The following MND1 variants were observed in gnomAD, a reference collection of about 807,000 sequenced individuals.
MND1 encodes meiotic nuclear divisions 1, also known as meiotic nuclear division protein 1 homolog.
In MND1, 28 loss-of-function variants were observed where a neutral mutation model predicts 35.1. The ratio of observed to expected loss-of-function variants is 0.80; its 90% CI spans 0.59 to 1.09. The LOEUF (loss-of-function observed/expected upper bound fraction) is 1.09, where lower values mean the gene tolerates loss of function less well. Among genes scored for constraint, MND1 ranks in the 50% least tolerant of loss-of-function variants. The pLI is 0.00. For missense variants in MND1, 213 were observed against 239.6 expected (o/e 0.89, Z 0.73); for synonymous variants, 69 against 70.5 (o/e 0.98, Z 0.11).
intron 1 of MND1, among the ~76,000 whole-genome samples, chr4:153,346,287 G>A (rs1163943444): frequency 6.6e-6 from 1 of 152,144 alleles, no homozygotes; most frequent in East Asian, 1.9e-4. Flanking sequence ...TAATTTTATC[G>A]TAATTGATTA....
At chr4:153,387,892 A>T (rs887183496) in intron 4 of MND1, among the ~76,000 whole-genome samples, 1 of 151,456 alleles carries the variant, frequency 6.6e-6, no homozygotes, top group Non-Finnish European at 1.5e-5. Flanking sequence ...AGACTGATCT[A>T]GTTGCTTTTG....
intron 2 of MND1, among the ~76,000 whole-genome samples, chr4:153,350,848 C>T (rs1404556857): frequency 6.6e-6 from 1 of 150,868 alleles, no homozygotes; most frequent in East Asian, 1.9e-4. Context: ...CCCCAGTCTA[C>T]TGGCTATTTT....
At chr4:153,385,731 AAAAG>A (rs1033295087) in intron 4 of MND1, among the ~76,000 whole-genome samples, 3 of 148,646 alleles carry the variant, frequency 2.0e-5, no homozygotes, top group African/African-American at 7.7e-5. Context: ...AAAAAAAAAA[AAAAG>A]AAAAGAAAAT....
At chr4:153,392,232 G>T (rs544615032) in intron 4 of MND1, among the ~76,000 whole-genome samples, 1 of 151,848 alleles carries the variant, frequency 6.6e-6, no homozygotes, top group South Asian at 2.1e-4. Context: ...CTCCCAAGTA[G>T]CTGGGACTAC....
intron 4 of MND1, among the ~76,000 whole-genome samples, chr4:153,379,074 G>T (rs1432036436): frequency 6.6e-6 from 1 of 152,006 alleles, no homozygotes; most frequent in Non-Finnish European, 1.5e-5. Context: ...GGATCACAAG[G>T]TCAGGGGACT....
intron 4 of MND1, among the ~76,000 whole-genome samples, chr4:153,376,977 A>T (rs1364648157): frequency 6.6e-6 from 1 of 152,202 alleles, no homozygotes; most frequent in African/African-American, 2.4e-5. Flanking sequence ...AATTTGGAGA[A>T]TTTTATTAAT....
At chr4:153,361,621 C>A (rs1411908055) in intron 4 of MND1, 2 of 451,106 alleles carry the variant, frequency 4.4e-6, no homozygotes, top group Admixed American at 4.8e-5. Flanking sequence ...GGGCAGATCA[C>A]GAGGTCAGGA....
intron 2 of MND1, among the ~76,000 whole-genome samples, chr4:153,354,281 TG>T (rs1260904404): frequency 6.6e-6 from 1 of 152,220 alleles, no homozygotes; most frequent in Admixed American, 6.5e-5. Flanking sequence ...ATTTCCCTAT[TG>T]TTTAGGTATA....
At chr4:153,345,262 T>C (rs778833373) in intron 1 of MND1, 62 of 886,574 alleles carry the variant, frequency 7.0e-5, no homozygotes, top group Non-Finnish European at 8.1e-5. Flanking sequence ...TTTGTCACCA[T>C]TGAGTGGTTT....
At chr4:153,350,604 A>C (rs1773190263) in intron 2 of MND1, among the ~76,000 whole-genome samples, 1 of 152,186 alleles carries the variant, frequency 6.6e-6, no homozygotes, top group African/African-American at 2.4e-5. Flanking sequence ...AGAGGCCTTC[A>C]TTTATTCCAG....
chr4:153,374,765 TTGTA>T lies in MND1; in HGVS notation c.276+16147_276+16150del, dbSNP rs998473741. On this transcript the variant is annotated intron_variant, in intron 4 of 7. Coordinates refer to ENST00000240488, the MANE Select transcript of MND1 (RefSeq NM_032117.4). ...AACATTTTTTTCTCTTGCCTTTAGG[TTGTA>T]TGTGTTGATTATTATTAAATACAGT... Among the ~76,000 whole-genome samples, 19 of 152,138 alleles carry T rather than the reference TTGTA, an allele frequency of 1.2e-4. No homozygotes were observed. In the East Asian group the frequency reaches 2.5e-3, roughly 20 times the overall value.
intron 4 of MND1, among the ~76,000 whole-genome samples, chr4:153,385,232 A>G (rs904764671): frequency 6.6e-6 from 1 of 152,238 alleles, no homozygotes; most frequent in African/African-American, 2.4e-5. Context: ...ATAGAGGAAT[A>G]GGATGTTTTA....
At position 153,349,651 on chromosome 4, in the gene MND1, C is replaced by G. The variant is rs115171724; in HGVS notation, c.4-413C>G. Among the ~76,000 whole-genome samples, 800 of 152,276 alleles carry G rather than the reference C, an allele frequency of 5.3e-3. 11 individuals are homozygous for G. The highest frequency in any genetic ancestry group is 0.018 in the African/African-American group (750 of 41,546). On this transcript the variant is annotated intron_variant, in intron 1 of 7. Coordinates refer to ENST00000240488, the MANE Select transcript of MND1 (RefSeq NM_032117.4). ...TTGCCAAAATCCTTTTAATCTCTGT[C>G]CTTAGGTAACCCTTCTTCCTCTGCA...
intron 4 of MND1, among the ~76,000 whole-genome samples, chr4:153,361,259 C>T (rs981027162): frequency 1.3e-5 from 2 of 152,206 alleles, no homozygotes; most frequent in African/African-American, 4.8e-5. Flanking sequence ...TTGAAAATGT[C>T]TAATTTATCA....
intron 1 of MND1, among the ~76,000 whole-genome samples, chr4:153,345,979 A>C (rs1293028467): frequency 1.3e-5 from 2 of 152,222 alleles, no homozygotes; most frequent in Non-Finnish European, 2.9e-5. Context: ...CTACACATGA[A>C]TCACCTGCTA....
intron 4 of MND1, among the ~76,000 whole-genome samples, chr4:153,363,356 C>G (rs565548551): frequency 1.3e-5 from 2 of 151,886 alleles, no homozygotes; most frequent in Non-Finnish European, 2.9e-5. Flanking sequence ...GGATTACAAG[C>G]GCCCGCCACC....
chr4:153,345,481 C>G, intron 1 of MND1: 1 of 985,408 alleles, frequency 1.0e-6, no homozygotes, highest in South Asian at 4.7e-5. Context: ...TAGGCTTCCT[C>G]GTGGGTCATG....
intron 7 of MND1, among the ~76,000 whole-genome samples, 178 bp from the exon 8 acceptor site, chr4:153,414,573 G>A (rs1354386621): frequency 6.6e-6 from 1 of 151,994 alleles, no homozygotes; most frequent in Non-Finnish European, 1.5e-5. Context: ...ATGAGCCACC[G>A]CACCTGGCCT....
In MND1 at chr4:153,355,831, A is replaced by T; in HGVS notation, c.127+120A>T. ...GTCTTTCACTTTATGGAAAACCTAA[A>T]TTTCTAGAGACAAAGAAATCATCAC... is the stretch of plus-strand genomic sequence containing the variant. On this transcript the variant is annotated intron_variant, in intron 3 of 7. Transcript: ENST00000240488. 6.1e-6 allele frequency: 4 copies of T among 659,764 alleles called. No homozygotes were observed. The East Asian group carries it at 1.1e-4, about 18-fold the overall frequency. The allele number at this position is 659,764 out of a possible 1,614,324, so 40.9% of individuals were successfully genotyped here. A position where few individuals can be genotyped will look rare whatever the true frequency, so the allele number is the denominator to read the frequency against.
Sources: allele counts gnomAD v4.1 joint callset (sites outside exome capture counted in the v4.1 genomes callset), GRCh38; gene constraint gnomAD v4.1.1; transcripts MANE v1.5; gene names NCBI Gene and HGNC (gene_info 2026-07-23, HGNC 2026-07-21).